COL28A1: variants seen among roughly 807,000 people sequenced by gnomAD.
COL28A1 encodes collagen alpha-1(XXVIII) chain.
In COL28A1, 161 loss-of-function variants were observed where a neutral mutation model predicts 150.2. The observed-to-expected ratio is 1.07, with a 90% CI of 0.94 to 1.22. The LOEUF is 1.22. Among genes scored for constraint, COL28A1 ranks in the 50% most tolerant of loss-of-function variants. COL28A1 has a pLI of 0.00. For missense variants in COL28A1, 1,617 were observed against 1,388.3 expected, an observed-to-expected ratio of 1.16 and a Z score of -2.62; for synonymous variants, 552 against 469.7, an observed-to-expected ratio of 1.18 and a Z score of -2.26.
intron 13 of COL28A1, among the ~76,000 whole-genome samples, chr7:7,488,363 C>T (rs566467081): frequency 1.3e-5 from 2 of 152,296 alleles, no homozygotes; most frequent in South Asian, 4.1e-4. Context: ...ATTTCACTCA[C>T]AGAGTGCAGT....
the COL28A1 span, among the ~76,000 whole-genome samples, chr7:7,344,795 A>C: frequency 6.6e-6 from 1 of 152,140 alleles, no homozygotes; most frequent in Admixed American, 6.6e-5. Flanking sequence ...AACAAGGCTA[A>C]GAAACCCTGC....
chr7:7,513,841 T>C (rs1239424000), intron 8 of COL28A1, among the ~76,000 whole-genome samples: 2 of 152,230 alleles, frequency 1.3e-5, no homozygotes, highest in Admixed American at 6.5e-5. Flanking sequence ...TTCATGTTAT[T>C]TGCCTCTGCA....
intron 25 of COL28A1, among the ~76,000 whole-genome samples, chr7:7,423,874 G>C (rs1784509091): frequency 6.6e-6 from 1 of 152,094 alleles, no homozygotes; most frequent in African/African-American, 2.4e-5. Context: ...GGGAGTATCT[G>C]AAGGCCAACT....
At chr7:7,358,847 A>C in intron 34 of COL28A1, 42 bp from the exon 35 acceptor site, 1 of 1,499,290 alleles carries the variant, frequency 6.7e-7, no homozygotes, top group Non-Finnish European at 9.1e-7. Flanking sequence ...TTTTTCTTAT[A>C]CTGAAGACAT....
At chr7:7,375,007 C>A (rs1452382102) in intron 31 of COL28A1, among the ~76,000 whole-genome samples, 1 of 152,322 alleles carries the variant, frequency 6.6e-6, no homozygotes, top group Admixed American at 6.5e-5. Flanking sequence ...TGTCCTCCCA[C>A]CTTTGGGACT....
At chr7:7,388,948 C>T (rs536013395) in intron 27 of COL28A1, among the ~76,000 whole-genome samples, 3 of 152,222 alleles carry the variant, frequency 2.0e-5, no homozygotes, top group Non-Finnish European at 2.9e-5. Flanking sequence ...CTGTAGGTTG[C>T]CTGTTCACTC....
At chr7:7,398,847 T>G (rs1251396468) in intron 27 of COL28A1, among the ~76,000 whole-genome samples, 1 of 152,200 alleles carries the variant, frequency 6.6e-6, no homozygotes, top group Admixed American at 6.5e-5. Context: ...CTTGTCCTCC[T>G]GAGTGTTTAG....
rs773481554 is a variant in COL28A1, at chr7:7,521,912, C to T, written c.752G>A (p.Gly251Glu). 4 of 1,093,534 alleles carry T rather than the reference C, an allele frequency of 3.7e-6. No individual in the cohort carries two copies. Among genetic ancestry groups the T allele is most frequent in the Non-Finnish European group, 5.7e-6 (4 of 703,874 alleles). The allele number at this position is 1,093,534 out of a possible 1,614,324, so 67.7% of individuals were successfully genotyped here. A position where few individuals can be genotyped will look rare whatever the true frequency, so the allele number is the denominator to read the frequency against. Residue 251 changes from glycine to glutamate, a missense_variant, in exon 5 of 35, where the codon GGG becomes GAG. Physicochemically the swap from Gly to Glu is moderately conservative, Grantham distance 98. Transcript: ENST00000399429. ...AAGTGGAAGTATACTCACAGGAGGC[C>T]CTGGATCACCTGGATCTCCCTTCTC... is the stretch of plus-strand genomic sequence containing the variant. ...ECEKGDPGDP[G>E]PPGTHGNPGI...
chr7:7,493,709 AAAGTGGTCC>A (rs1780048986), intron 11 of COL28A1, among the ~76,000 whole-genome samples: 1 of 152,130 alleles, frequency 6.6e-6, no homozygotes, highest in South Asian at 2.1e-4. Context: ...GGTAGTAAAG[AAAGTGGTCC>A]TGACTCTAAA....
Position 7,532,913 on chromosome 7 carries a change from C to T in COL28A1, c.-37-1G>A, listed in dbSNP as rs2115265625. On this transcript the variant is annotated splice_acceptor_variant, in intron 1 of 34. Coordinates refer to ENST00000399429, the MANE Select transcript of COL28A1 (RefSeq NM_001037763.3). LOFTEE classifies it low-confidence loss of function (5UTR_SPLICE). Reference sequence around the variant, plus strand: ...TGAAAAATCATCTGTCTTGTAGCACCTTTAATAGAAAAGTCAGTTACAAAT... The same window carrying T: ...TGAAAAATCATCTGTCTTGTAGCACTTTTAATAGAAAAGTCAGTTACAAAT... The T allele has an allele frequency of 6.6e-7, 1 of 1,521,316 alleles. No individual in the cohort carries two copies. The highest frequency in any genetic ancestry group is 2.3e-5 in the East Asian group (1 of 42,962). The allele number at this position is 1,521,316 out of a possible 1,614,324, so 94.2% of individuals were successfully genotyped here. A position where few individuals can be genotyped will look rare whatever the true frequency, so the allele number is the denominator to read the frequency against.
intron 8 of COL28A1, among the ~76,000 whole-genome samples, chr7:7,512,332 A>T (rs1003574246): frequency 7.9e-5 from 12 of 152,170 alleles, no homozygotes; most frequent in African/African-American, 1.9e-4. Flanking sequence ...TTGTATTGAA[A>T]ATCACTAAAA....
intron 8 of COL28A1, among the ~76,000 whole-genome samples, chr7:7,512,996 T>C (rs778679834): frequency 6.6e-6 from 1 of 152,142 alleles, no homozygotes; most frequent in Non-Finnish European, 1.5e-5. Context: ...AAATGTCAGC[T>C]GAACTTTAAA....
At chr7:7,396,292 A>C (rs993538115) in intron 27 of COL28A1, among the ~76,000 whole-genome samples, 3 of 152,184 alleles carry the variant, frequency 2.0e-5, no homozygotes, top group Non-Finnish European at 4.4e-5. Flanking sequence ...AATTGAGCTC[A>C]TATACTCATT....
chr7:7,443,841 G>A (rs1303085104), intron 19 of COL28A1, among the ~76,000 whole-genome samples, 188 bp from the exon 20 acceptor site: 1 of 152,128 alleles, frequency 6.6e-6, no homozygotes, highest in African/African-American at 2.4e-5. Context: ...TCAAACTCCA[G>A]TTTAACTCAG....
intron 11 of COL28A1, among the ~76,000 whole-genome samples, chr7:7,496,508 T>C (rs1474488317): frequency 6.6e-6 from 1 of 152,192 alleles, no homozygotes; most frequent in African/African-American, 2.4e-5. Context: ...ATCAAGTACC[T>C]ATTACACAAT....
intron 25 of COL28A1, among the ~76,000 whole-genome samples, chr7:7,428,340 G>C (rs1392422792): frequency 6.6e-6 from 1 of 152,154 alleles, no homozygotes; most frequent in Admixed American, 6.5e-5. Context: ...AGCTCCCTGA[G>C]AGGGCCTGAA....
intron 15 of COL28A1, among the ~76,000 whole-genome samples, chr7:7,462,994 T>C (rs947066457): frequency 2.0e-5 from 3 of 151,320 alleles, no homozygotes; most frequent in Non-Finnish European, 4.4e-5. Flanking sequence ...CAAAAAAGAA[T>C]AAGAAAATAT....
At chr7:7,463,822 C>T (rs1393762623) in intron 15 of COL28A1, among the ~76,000 whole-genome samples, 5 of 152,176 alleles carry the variant, frequency 3.3e-5, no homozygotes. Flanking sequence ...TCAATACTAA[C>T]ATTGAATGTA....
intron 25 of COL28A1, among the ~76,000 whole-genome samples, chr7:7,427,240 A>G (rs1481529559): frequency 2.0e-5 from 3 of 152,076 alleles, no homozygotes; most frequent in African/African-American, 7.2e-5. Flanking sequence ...CTTGGATATG[A>G]CCCTTTCTGA....
Sources: gnomAD v4.1 joint callset for allele counts (sites outside exome capture counted in the v4.1 genomes callset) on GRCh38, gnomAD v4.1.1 for gene constraint, MANE v1.5 for transcripts, NCBI Gene and HGNC (gene_info 2026-07-23, HGNC 2026-07-21) for gene names.